The following NECAB3 variants were observed in gnomAD, a reference collection of about 807,000 sequenced individuals.
NECAB3 encodes N-terminal EF-hand calcium binding protein 3, also known as N-terminal EF-hand calcium-binding protein 3.
In NECAB3, 38 loss-of-function variants were observed where a neutral mutation model predicts 57.2. That is an observed-to-expected ratio of 0.66 (90% CI 0.51 to 0.87). The LOEUF (loss-of-function observed/expected upper bound fraction) is 0.87. NECAB3 is among the 40% of genes least tolerant of loss of function. NECAB3 has a pLI of 0.00. For synonymous variants in NECAB3, 223 were observed against 222.6 expected (o/e 1.00, Z -0.02); for missense variants, 474 against 527.5 (o/e 0.90, Z 0.99).
At chr20:33,658,879 G>A (rs781208012) in intron 8 of NECAB3, 45 bp from the exon 9 acceptor site, 1 of 1,432,454 alleles carries the variant, frequency 7.0e-7, no homozygotes, top group Admixed American at 1.7e-5. Flanking sequence ...GCCGGGCACA[G>A]GGGAGGGACT....
At chr20:33,658,378 G>A in intron 10 of NECAB3, 99 bp downstream of exon 10, 1 of 1,269,868 alleles carries the variant, frequency 7.9e-7, no homozygotes, top group African/African-American at 1.5e-5. Flanking sequence ...CTCATCTGAG[G>A]TCACAGAGCC....
intron 5 of NECAB3, chr20:33,663,859 C>T (rs1288905312): frequency 1.4e-6 from 2 of 1,398,840 alleles, no homozygotes; most frequent in East Asian, 5.9e-5. Context: ...CCCTCGCCCG[C>T]AGCTTTAAAC....
rs200573425 is a variant in NECAB3, at chr20:33,669,727, G to C, written c.264-15C>G. The C allele has an allele frequency of 3.5e-5, 56 of 1,588,802 alleles. No individual in the cohort carries two copies. Among genetic ancestry groups the C allele is most frequent in the Admixed American group, 1.4e-4 (8 of 55,470 alleles). ...TTTCTAAATTGCTGCAGGGAAAAGA[G>C]AAGGCGCCCTTCAGACCTGGGCCTG... On this transcript the variant is annotated splice_polypyrimidine_tract_variant and intron_variant, in intron 3 of 11. Coordinates refer to ENST00000246190, the MANE Select transcript of NECAB3 (RefSeq NM_031232.4).
intron 3 of NECAB3, 152 bp downstream of exon 3, chr20:33,670,532 G>A (rs1365228716): frequency 7.2e-6 from 4 of 556,044 alleles, no homozygotes; most frequent in East Asian, 3.2e-5. Flanking sequence ...TGGAGAGGGG[G>A]TAGGCAGGCG....
In NECAB3 at chr20:33,660,704, T is replaced by C. The variant is rs868732779; in HGVS notation, c.388-309A>G. Among the ~76,000 whole-genome samples the C allele has an allele frequency of 1.3e-5, 2 of 152,132 alleles. No individual in the cohort carries two copies. The highest frequency in any genetic ancestry group is 2.4e-5 in the African/African-American group (1 of 41,428). On this transcript the variant is annotated intron_variant, in intron 5 of 11. Transcript: ENST00000246190. This position sits in a 1 kb window ranked among gnomAD's most constrained non-coding sequence, Gnocchi z 4.1. ...GGGGCTACCACCTTCAGCACTGTCA[T>C]AGCCAGTGAGTCCCAGCCACAGCTA...
At chr20:33,667,558 G>A (rs1443834620) in intron 5 of NECAB3, 1 of 1,554,144 alleles carries the variant, frequency 6.4e-7, no homozygotes, top group East Asian at 2.4e-5. Flanking sequence ...GCTGGCCGTG[G>A]AGGCGGGCGC....
intron 2 of NECAB3, 56 bp downstream of exon 2, chr20:33,672,342 C>A (rs2017844675): frequency 6.2e-7 from 1 of 1,609,418 alleles, no homozygotes; most frequent in Admixed American, 1.7e-5. Context: ...CTCCCTGGGC[C>A]TCCTGGATGC....
At chr20:33,668,441 A>C in intron 5 of NECAB3, 1 of 632,820 alleles carries the variant, frequency 1.6e-6, no homozygotes, top group Non-Finnish European at 2.5e-6. Flanking sequence ...AACCACTGCC[A>C]GTTCAGAGAA....
chr20:33,660,029 C>T lies in NECAB3; in HGVS notation c.525-26G>A, dbSNP rs1271674093. 7 of 1,565,228 alleles carry T rather than the reference C, an allele frequency of 4.5e-6. No homozygotes were observed. The highest frequency in any genetic ancestry group is 6.1e-6 in the Non-Finnish European group (7 of 1,155,942). On this transcript the variant is annotated intron_variant, in intron 6 of 11. Transcript: ENST00000246190. This position sits in a 1 kb window ranked among gnomAD's most constrained non-coding sequence, Gnocchi z 4.1. ...CTAGAGGAAGTGAGGCTCACAGGGCCGAGGACTGGGGCCCCAGGACGGGAT... is the reference window on the plus strand; with the variant it reads ...CTAGAGGAAGTGAGGCTCACAGGGCTGAGGACTGGGGCCCCAGGACGGGAT...
chr20:33,667,592 T>C, intron 5 of NECAB3: 3 of 1,562,616 alleles, frequency 1.9e-6, no homozygotes, highest in Non-Finnish European at 1.7e-6. Context: ...GCCACGCCCA[T>C]CTACGCGGGT....
intron 5 of NECAB3, chr20:33,667,472 A>C (rs1354536812): frequency 6.9e-7 from 1 of 1,450,202 alleles, no homozygotes; most frequent in Non-Finnish European, 9.0e-7. Flanking sequence ...CTGCTGTTCG[A>C]GACCCTGGCA....
chr20:33,660,168 GCTCCA>G lies in NECAB3; in HGVS notation c.524+86_524+90del. On this transcript the variant is annotated intron_variant, in intron 6 of 11. Transcript: ENST00000246190. This position sits in a 1 kb window ranked among gnomAD's most constrained non-coding sequence, Gnocchi z 4.1. ...ATGGCTTCCCCGCCCGAAAATGCAG[GCTCCA>G]GGATGCTGGGACTGTGGGGATTTGG... 6.5e-7 allele frequency: 1 copy of G among 1,543,954 alleles called. No individual in the cohort carries two copies. The highest frequency in any genetic ancestry group is 8.7e-7 in the Non-Finnish European group (1 of 1,144,542).
chr20:33,659,199 G>T (rs149954585), intron 8 of NECAB3, among the ~76,000 whole-genome samples: 41 of 152,230 alleles, frequency 2.7e-4, no homozygotes, highest in African/African-American at 9.4e-4. Context: ...GTCTCCAAGG[G>T]TGCTGCTTGA....
chr20:33,669,560 C>A, intron 4 of NECAB3, 88 bp from the exon 5 acceptor site: 1 of 1,556,376 alleles, frequency 6.4e-7, no homozygotes, highest in Non-Finnish European at 8.8e-7. Flanking sequence ...TCCTCAGCAG[C>A]CAAGCAGGCC....
rs1186817743 is a variant in NECAB3 at position 33,659,721 on chromosome 20, C to T, written c.655G>A (p.Glu219Lys). 3.1e-6 allele frequency: 5 copies of T among 1,599,674 alleles called. No individual in the cohort carries two copies. Among genetic ancestry groups the T allele is most frequent in the East Asian group, 2.3e-5 (1 of 44,284 alleles). Reference protein sequence around the residue: ...PGSSDTGRSSEAEMQWRLQVN... With the variant: ...PGSSDTGRSSKAEMQWRLQVN... ...TGGAGCCGCCACTGCATCTCGGCCT[C>T]TGAGCTGCGCCCTGTGTGTGGGGCC... Residue 219 changes from glutamate to lysine, a missense_variant, in exon 8 of 12, where the codon GAG (glutamate) becomes AAG (lysine). Coordinates refer to ENST00000246190, the MANE Select transcript of NECAB3 (RefSeq NM_031232.4).
At chr20:33,673,880 T>C (rs920250504) in intron 1 of NECAB3, among the ~76,000 whole-genome samples, 1 of 151,968 alleles carries the variant, frequency 6.6e-6, no homozygotes, top group Non-Finnish European at 1.5e-5. Context: ...GAGGGGCCCT[T>C]GCGTTTCCAG....
chr20:33,673,575 G>A (rs554417875), intron 1 of NECAB3, among the ~76,000 whole-genome samples: 1 of 152,060 alleles, frequency 6.6e-6, no homozygotes, highest in South Asian at 2.1e-4. Context: ...GGAGGGTCAG[G>A]TCCCTTCCAG....
At chr20:33,659,027 T>G (rs2017373006) in intron 8 of NECAB3, among the ~76,000 whole-genome samples, 193 bp from the exon 9 acceptor site, 1 of 152,112 alleles carries the variant, frequency 6.6e-6, no homozygotes. Flanking sequence ...CAGGCTCAAG[T>G]AATCCTCCCA....
intron 4 of NECAB3, 22 bp downstream of exon 4, chr20:33,669,665 G>C: frequency 6.3e-7 from 1 of 1,581,340 alleles, no homozygotes; most frequent in Non-Finnish European, 8.6e-7. Context: ...CAGGAGAAAA[G>C]AGCTCCCATG....
Sources: allele counts gnomAD v4.1 joint callset (sites outside exome capture counted in the v4.1 genomes callset), GRCh38; gene constraint gnomAD v4.1.1; non-coding constraint Gnocchi (gnomAD v3.1); transcripts MANE v1.5; gene names NCBI Gene and HGNC (gene_info 2026-07-23, HGNC 2026-07-21).